Variants in WDR70 observed in about 807,000 individuals in gnomAD.
The protein encoded by WDR70 is WD repeat domain 70, also known as WD repeat-containing protein 70.
In WDR70, 53 loss-of-function variants were observed where a neutral mutation model predicts 88.6. That is an observed-to-expected ratio of 0.60 (90% CI 0.48 to 0.75). The LOEUF is 0.75. Among genes scored for constraint, WDR70 ranks in the 30% least tolerant of loss-of-function variants. WDR70 has a pLI of 0.00. For missense variants in WDR70, 610 were observed against 823.2 expected (o/e 0.74, Z 3.17); for synonymous variants, 280 against 270.0 (o/e 1.04, Z -0.36).
intron 10 of WDR70, among the ~76,000 whole-genome samples, chr5:37,634,502 T>G (rs1030977200): frequency 9.2e-5 from 14 of 152,008 alleles, no homozygotes; most frequent in Admixed American, 9.2e-4. Flanking sequence ...GGCATTGGAG[T>G]GGCGTGATAT....
chr5:37,690,221 C>G (rs1454465853), intron 10 of WDR70, among the ~76,000 whole-genome samples: 2 of 152,010 alleles, frequency 1.3e-5, no homozygotes, highest in African/African-American at 4.8e-5. Context: ...GTGAAAAGAC[C>G]AAATCTATGT....
At chr5:37,731,419 A>G (rs947044999) in intron 17 of WDR70, among the ~76,000 whole-genome samples, 7 of 152,154 alleles carry the variant, frequency 4.6e-5, no homozygotes, top group African/African-American at 1.7e-4. Context: ...GATAACAACT[A>G]AGAGGTCATA....
At chr5:37,461,470 T>C (rs940293837) in intron 7 of WDR70, among the ~76,000 whole-genome samples, 1 of 151,822 alleles carries the variant, frequency 6.6e-6, no homozygotes, top group Non-Finnish European at 1.5e-5. Context: ...ATGGATGCTA[T>C]AGTTTTGTTG....
chr5:37,634,304 AAAAAAAAG>A (rs1159396531), intron 10 of WDR70, among the ~76,000 whole-genome samples: 2 of 151,474 alleles, frequency 1.3e-5, no homozygotes, highest in Non-Finnish European at 2.9e-5. Context: ...GTCTCAAAAA[AAAAAAAAG>A]AAAAAAAAGA....
intron 6 of WDR70, among the ~76,000 whole-genome samples, chr5:37,438,556 A>G (rs1470776332): frequency 6.6e-6 from 1 of 152,148 alleles, no homozygotes; most frequent in East Asian, 1.9e-4. Flanking sequence ...GCCACTAAAA[A>G]GTAGTAGTTA....
At position 37,741,609 on chromosome 5, in the gene WDR70, A is replaced by C. The variant is rs578005296; in HGVS notation, c.1878-10877A>C. On this transcript the variant is annotated intron_variant, in intron 17 of 17. Coordinates refer to ENST00000265107, the MANE Select transcript of WDR70 (RefSeq NM_018034.4). ...CAATAGGGTTTGTGCTTCTTTGAGA[A>C]TCTAATACTGTCACTGATCTTACAG... Among the ~76,000 whole-genome samples, 3 of 152,290 alleles carry C rather than the reference A, an allele frequency of 2.0e-5. No individual in the cohort carries two copies. In the East Asian group the frequency reaches 5.8e-4, roughly 29 times the overall value.
intron 5 of WDR70, 117 bp downstream of exon 5, chr5:37,396,687 G>A (rs1049866594): frequency 8.5e-6 from 12 of 1,417,284 alleles, no homozygotes; most frequent in African/African-American, 4.3e-5. Flanking sequence ...AGGAAAGGCC[G>A]GGCATGGTGG....
intron 9 of WDR70, among the ~76,000 whole-genome samples, chr5:37,534,568 G>T (rs1006479043): frequency 6.8e-6 from 1 of 147,094 alleles, no homozygotes; most frequent in Non-Finnish European, 1.5e-5. Flanking sequence ...CACAATTTGG[G>T]CTCACTGCAA....
chr5:37,553,846 C>T (rs1330945890), intron 9 of WDR70, among the ~76,000 whole-genome samples: 4 of 152,190 alleles, frequency 2.6e-5, no homozygotes, highest in South Asian at 4.2e-4. Context: ...CTCCATGCCT[C>T]TATTTTGTCT....
intron 7 of WDR70, among the ~76,000 whole-genome samples, chr5:37,473,339 T>C (rs1403033631): frequency 7.9e-6 from 1 of 127,380 alleles, no homozygotes; most frequent in Non-Finnish European, 1.7e-5. Flanking sequence ...GGTGTATTCA[T>C]ATTCTTTTTT....
intron 7 of WDR70, among the ~76,000 whole-genome samples, chr5:37,460,679 T>A: frequency 4.1e-5 from 1 of 24,440 alleles, no homozygotes; most frequent in Non-Finnish European, 1.4e-4. Flanking sequence ...ACCCTAAAAC[T>A]TAGAGTATAA....
chr5:37,727,171 C>G, intron 17 of WDR70, 126 bp downstream of exon 17: 1 of 1,176,396 alleles, frequency 8.5e-7, no homozygotes, highest in Non-Finnish European at 1.2e-6. Flanking sequence ...GAAAAATAGG[C>G]CAGGTACTCA....
At chr5:37,463,477 GTT>G (rs994238596) in intron 7 of WDR70, among the ~76,000 whole-genome samples, 2 of 152,100 alleles carry the variant, frequency 1.3e-5, no homozygotes, top group African/African-American at 4.8e-5. Flanking sequence ...GTCCCAGCTT[GTT>G]TTGCTAGCTG....
intron 9 of WDR70, among the ~76,000 whole-genome samples, chr5:37,528,131 A>G (rs532388651): frequency 6.6e-6 from 1 of 152,366 alleles, no homozygotes; most frequent in South Asian, 2.1e-4. Context: ...ATTACTGGGT[A>G]TATACCCAAA....
chr5:37,621,363 G>T (rs1517788), intron 10 of WDR70, among the ~76,000 whole-genome samples: 1 of 151,856 alleles, frequency 6.6e-6, no homozygotes, highest in African/African-American at 2.4e-5. Context: ...GCATACAGTC[G>T]TTGATATTTA....
intron 8 of WDR70, chr5:37,506,969 C>T: frequency 1.5e-6 from 1 of 659,632 alleles, no homozygotes; most frequent in Non-Finnish European, 2.8e-6. Context: ...GATTCACCTC[C>T]CTTTGCCACC....
intron 6 of WDR70, among the ~76,000 whole-genome samples, chr5:37,439,912 T>G (rs1374910604): frequency 1.3e-5 from 2 of 152,110 alleles, no homozygotes. Flanking sequence ...TTGGGCTGTT[T>G]CTGAATGTGC....
At chr5:37,597,109 G>A (rs1025279833) in intron 9 of WDR70, among the ~76,000 whole-genome samples, 4 of 151,922 alleles carry the variant, frequency 2.6e-5, no homozygotes, top group Admixed American at 2.6e-4. Flanking sequence ...TGAAGATTTG[G>A]GGTTGTTTCC....
chr5:37,669,735 C>T (rs1293572371), intron 10 of WDR70, among the ~76,000 whole-genome samples: 3 of 151,738 alleles, frequency 2.0e-5, no homozygotes, highest in South Asian at 4.2e-4. Flanking sequence ...GTAGACCATG[C>T]GTTTGTGAAG....
Sources: gnomAD v4.1 joint callset for allele counts (sites outside exome capture counted in the v4.1 genomes callset) on GRCh38, gnomAD v4.1.1 for gene constraint, MANE v1.5 for transcripts, NCBI Gene and HGNC (gene_info 2026-07-23, HGNC 2026-07-21) for gene names.